Variants in MST1R observed in about 807,000 individuals in gnomAD.
MST1R encodes macrophage-stimulating protein receptor.
In MST1R, 99 loss-of-function variants were observed where a neutral mutation model predicts 117.8. That is an observed-to-expected ratio of 0.84 (90% confidence interval 0.71 to 0.99). The LOEUF is 0.99. Ranked by LOEUF, MST1R falls within the 50% of genes least tolerant of loss-of-function variation. The probability of loss-of-function intolerance (pLI) is 0.00; values close to 1 mark genes in which losing one functional copy is unlikely to be tolerated. For synonymous variants in MST1R, 734 were observed against 765.3 expected, an observed-to-expected ratio of 0.96 and a Z score of 0.68; for missense variants, 1,683 against 1,840.2, an observed-to-expected ratio of 0.91 and a Z score of 1.56.
rs1270559228 is a variant in MST1R, at chr3:49,887,162, AC to A, written c.*144del. On this transcript the variant is annotated 3_prime_UTR_variant, in exon 20 of 20. Transcript: ENST00000296474. The stretch of plus-strand genomic sequence containing the variant: ...ACTGGCTCACTCTGTGGAGTGAGGG[AC>A]CTAATGGGCCCCATTTACCTATTGC... The A allele has an allele frequency of 4.5e-5, 50 of 1,099,660 alleles. No individual in the cohort carries two copies. The East Asian group carries it at 1.1e-3, about 25-fold the overall frequency. The allele number at this position is 1,099,660 out of a possible 1,614,324, so 68.1% of individuals were successfully genotyped here.
Position 49,899,152 on chromosome 3 carries a change from C to T in MST1R, c.1342G>A (p.Val448Ile). 6.2e-7 allele frequency: 1 copy of T among 1,614,152 alleles called. No individual in the cohort carries two copies. Among genetic ancestry groups the T allele is most frequent in the Non-Finnish European group, 8.5e-7 (1 of 1,180,040 alleles). Reference sequence around the variant, plus strand: ...AGGCGTGTCACATACAATGCAGTGACCTGTACTGGTCCCAACAGCCCATTG... The same window carrying T: ...AGGCGTGTCACATACAATGCAGTGATCTGTACTGGTCCCAACAGCCCATTG... Reference protein sequence around the residue: ...LFNGLLGPVQVTALYVTRLDN... With the variant: ...LFNGLLGPVQITALYVTRLDN... The change falls in exon 2 of 20, where the codon GTC (valine) becomes ATC (isoleucine). Residue 448 changes from valine to isoleucine, a missense_variant. By Grantham distance (29) the Val-to-Ile change is conservative (BLOSUM62 3). Transcript: ENST00000296474.
In MST1R at chr3:49,896,280, G is replaced by C. The variant is rs2082468975; in HGVS notation, c.2564C>G (p.Pro855Arg). Reference protein sequence around the residue: ...RGDGAAGFTLPGFRFLPPPHP... With the variant: ...RGDGAAGFTLRGFRFLPPPHP... ...GGGTGGGGGTAGGAAGCGAAAGCCA[G>C]GCAGTGTAAAGCCAGCAGCTCCATC... is the stretch of plus-strand genomic sequence containing the variant. The change falls in exon 10 of 20, where the codon CCT (proline) becomes CGT (arginine). Residue 855 changes from proline to arginine, a missense_variant. Coordinates refer to ENST00000296474, the MANE Select transcript of MST1R (RefSeq NM_002447.4). 1 of 1,614,186 alleles carries C rather than the reference G, an allele frequency of 6.2e-7. No individual in the cohort carries two copies. The highest frequency in any genetic ancestry group is 1.1e-5 in the South Asian group (1 of 91,086).
In MST1R at chr3:49,890,610, A is replaced by C; in HGVS notation, c.3685T>G (p.Leu1229Val). 3 of 1,613,928 alleles carry C rather than the reference A, an allele frequency of 1.9e-6. No homozygotes were observed. Among genetic ancestry groups the C allele is most frequent in the Non-Finnish European group, 2.5e-6 (3 of 1,179,852 alleles). ...SFTVKVADFG[L>V]ARDILDREYY... is the part of the protein sequence containing the mutation. ...TCCCTGTCCAGGATGTCGCGGGCCA[A>C]ACCAAAGTCAGCCACCTTGACTGTG... is the stretch of plus-strand genomic sequence containing the variant. The change falls in exon 18 of 20, where the codon TTG (leucine) becomes GTG (valine). Residue 1229 changes from leucine to valine, a missense_variant. Physicochemically the swap from Leu to Val is conservative, Grantham distance 32. Transcript: ENST00000296474.
rs749037053 is a variant in MST1R, at chr3:49,895,874, C to T, written c.2803G>A (p.Val935Ile). Residue 935 changes from valine to isoleucine, a missense_variant, in exon 12 of 20, where the codon GTA (valine) becomes ATA (isoleucine). Physicochemically the swap from Val to Ile is conservative, Grantham distance 29. Transcript: ENST00000296474. ...GQDGAPLQVC[V>I]DGECHILGRV... ...CCCAGGATATGACATTCACCATCTA[C>T]GCAGACCTGGGGGCAGGTGGCAACT... The T allele has an allele frequency of 5.6e-6, 9 of 1,600,962 alleles. No individual in the cohort carries two copies. The highest frequency in any genetic ancestry group is 4.5e-5 in the South Asian group (4 of 89,126).
chr3:49,892,668 T>TA (rs34713786), intron 14 of MST1R, among the ~76,000 whole-genome samples: 73 of 135,326 alleles, frequency 5.4e-4, no homozygotes, highest in African/African-American at 7.7e-4. Flanking sequence ...TTTTTTAAAT[T>TA]AAAAAAAAAA....
Position 49,903,363 on chromosome 3 carries a change from G to T in MST1R, c.247C>A (p.Pro83Thr). The T allele has an allele frequency of 6.2e-7, 1 of 1,613,900 alleles. No homozygotes were observed. The change falls in exon 1 of 20, where the codon CCT becomes ACT. Residue 83 changes from proline to threonine, a missense_variant. Physicochemically the swap from Pro to Thr is conservative, Grantham distance 38 (BLOSUM62 -1). Coordinates refer to ENST00000296474, the MANE Select transcript of MST1R (RefSeq NM_002447.4). ...AIRNRLHVLG[P>T]DLKSVQSLAT... ...AGGCTCTGGACAGACTTCAGGTCAGGCCCAAGCACATGCAGGCGATTGCGT... is the reference window on the plus strand; with the variant it reads ...AGGCTCTGGACAGACTTCAGGTCAGTCCCAAGCACATGCAGGCGATTGCGT...
chr3:49,902,857 G>A lies in MST1R; in HGVS notation c.753C>T (p.His251=), dbSNP rs776915370. ...ATACGAAGGCTCCCGTGTGGAAGCT[G>A]TGCACGTATTCAATACTGTAGGAGA... ...HLVSYSIEYV[H]SFHTGAFVYF... is the part of the protein sequence containing the mutation. The change falls in exon 1 of 20, where the codon CAC becomes CAT. Residue 251 remains histidine (H), a synonymous_variant. Coordinates refer to ENST00000296474, the MANE Select transcript of MST1R (RefSeq NM_002447.4). 3 of 1,613,626 alleles carry A rather than the reference G, an allele frequency of 1.9e-6. No individual in the cohort carries two copies. The Admixed American group carries it at 5.0e-5, about 27-fold the overall frequency.
At chr3:49,888,264 G>A (rs553935307) in intron 19 of MST1R, among the ~76,000 whole-genome samples, 29 of 151,904 alleles carry the variant, frequency 1.9e-4, no homozygotes, top group Middle Eastern at 3.2e-3. Context: ...GTGAAACCCC[G>A]TCTCTACTAA....
Position 49,903,386 on chromosome 3 carries a change from C to T in MST1R, c.224G>A (p.Arg75His), listed in dbSNP as rs1489965247. Residue 75 changes from arginine (R) to histidine (H), a missense_variant, in exon 1 of 20, where the codon CGC (arginine) becomes CAC (histidine). Transcript: ENST00000296474. Reference protein sequence around the residue: ...RNESAVFVAIRNRLHVLGPDL... With the variant: ...RNESAVFVAIHNRLHVLGPDL... ...AGGCCCAAGCACATGCAGGCGATTG[C>T]GTATGGCTACAAACACAGCACTCTC... 3 of 1,613,874 alleles carry T rather than the reference C, an allele frequency of 1.9e-6. No individual in the cohort carries two copies. Among genetic ancestry groups the T allele is most frequent in the African/African-American group, 1.3e-5 (1 of 74,950 alleles).
chr3:49,896,243 A>C lies in MST1R; in HGVS notation c.2601T>G (p.Ser867Arg). The C allele has an allele frequency of 6.2e-7, 1 of 1,614,116 alleles. No individual in the cohort carries two copies. Among genetic ancestry groups the C allele is most frequent in the South Asian group, 1.1e-5 (1 of 91,080 alleles). The stretch of plus-strand genomic sequence containing the variant: ...CAGGCTTCAGTGGAACTAGGTTGGC[A>C]CTGGGTGGATGGGGTGGGGGTAGGA... ...FRFLPPPHPP[S>R]ANLVPLKPEE... Residue 867 changes from serine (S) to arginine (R), a missense_variant, in exon 10 of 20, where the codon AGT becomes AGG. Coordinates refer to ENST00000296474, the MANE Select transcript of MST1R (RefSeq NM_002447.4).
intron 17 of MST1R, 133 bp downstream of exon 17, chr3:49,891,064 G>A (rs1276179159): frequency 2.5e-6 from 2 of 815,074 alleles, no homozygotes; most frequent in Non-Finnish European, 3.9e-6. Flanking sequence ...AGTCTGCACT[G>A]GGCAGACAAA....
chr3:49,897,846 G>A (rs2082534766), intron 5 of MST1R, 161 bp from the exon 6 acceptor site: 6 of 1,179,500 alleles, frequency 5.1e-6, no homozygotes, highest in Non-Finnish European at 7.1e-6. Flanking sequence ...GATTAACCTT[G>A]GCTGGTCCAT....
Position 49,895,654 on chromosome 3 carries a change from G to A in MST1R, c.2962+61C>T. The A allele has an allele frequency of 1.9e-6, 3 of 1,611,786 alleles. No homozygotes were observed. In the South Asian group the frequency reaches 3.3e-5, roughly 18 times the overall value. ...GTCCTGGGCAGAGAGAGGATGTAGG[G>A]ACTTGAAGATGCCATTGGTTGGGGG... On this transcript the variant is annotated intron_variant, in intron 12 of 19. Transcript: ENST00000296474.
intron 18 of MST1R, 137 bp from the exon 19 acceptor site, chr3:49,890,197 T>C (rs533277287): frequency 1.1e-3 from 1,226 of 1,118,564 alleles, no homozygotes; most frequent in Non-Finnish European, 1.4e-3. Flanking sequence ...CATTCCTCAA[T>C]ACATCACCTG....
Position 49,902,426 on chromosome 3 carries a change from C to G in MST1R, c.1184G>C (p.Arg395Pro), listed in dbSNP as rs766244325. Residue 395 changes from arginine to proline, a missense_variant, in exon 1 of 20, where the codon CGG becomes CCG. Transcript: ENST00000296474. ...CCESPVHPGL[R>P]RGLDFFQSPS... is the part of the protein sequence containing the mutation. The stretch of plus-strand genomic sequence containing the variant: ...CGACTGGAAGAAGTCGAGGCCTCGC[C>G]GGAGGCCTGGATGGACTGGGGATTC... 3.1e-6 allele frequency: 5 copies of G among 1,614,116 alleles called. No homozygotes were observed. Among genetic ancestry groups the G allele is most frequent in the Non-Finnish European group, 4.2e-6 (5 of 1,180,026 alleles).
chr3:49,895,621 A>AT (rs2108434985), intron 12 of MST1R, 73 bp from the exon 13 acceptor site: 1 of 1,604,722 alleles, frequency 6.2e-7, no homozygotes, highest in African/African-American at 1.3e-5. Context: ...GAGGACTTAG[A>AT]TCCCTAAGTC....
intron 19 of MST1R, among the ~76,000 whole-genome samples, chr3:49,888,829 A>C (rs976368051): frequency 1.3e-5 from 2 of 152,210 alleles, no homozygotes; most frequent in African/African-American, 4.8e-5. Context: ...ACAGATGAGG[A>C]AATTGAGGCC....
intron 1 of MST1R, among the ~76,000 whole-genome samples, chr3:49,901,830 C>A (rs1488617488): frequency 6.6e-6 from 1 of 151,298 alleles, no homozygotes; most frequent in Non-Finnish European, 1.5e-5. Context: ...GTCCCACCCC[C>A]TTTGGAAAGC....
intron 7 of MST1R, 69 bp downstream of exon 7, chr3:49,897,211 C>G (rs2082504451): frequency 1.3e-6 from 2 of 1,534,368 alleles, no homozygotes; most frequent in African/African-American, 2.8e-5. Context: ...TTCCCTCCAT[C>G]CTGACAGAAT....
Sources: allele counts gnomAD v4.1 joint callset (sites outside exome capture counted in the v4.1 genomes callset), GRCh38; gene constraint gnomAD v4.1.1; transcripts MANE v1.5; gene names NCBI Gene and HGNC (gene_info 2026-07-23, HGNC 2026-07-21).